Variants in KCNN2 observed in about 807,000 individuals in gnomAD.
The protein encoded by KCNN2 is small conductance calcium-activated potassium channel protein 2.
KCNN2 carries 24 observed loss-of-function variants against 55.5 expected under a neutral mutation model. That is an observed-to-expected ratio of 0.43 (90% confidence interval 0.31 to 0.61). The LOEUF is 0.61. Among genes scored for constraint, KCNN2 ranks in the 20% least tolerant of loss-of-function variants. KCNN2 has a pLI of 0.08. For missense variants in KCNN2, 754 were observed against 853.6 expected (o/e 0.88, Z 1.45); for synonymous variants, 431 against 336.1 (o/e 1.28, Z -3.09).
At chr5:114,264,769 GC>G (rs1161187401) in intron 2 of KCNN2, among the ~76,000 whole-genome samples, 2 of 152,066 alleles carry the variant, frequency 1.3e-5, no homozygotes, top group Non-Finnish European at 2.9e-5. Context: ...CCTCACGAAT[GC>G]CCCCCCAGGG....
At chr5:114,487,607 T>A (rs1166647466) in intron 6 of KCNN2, among the ~76,000 whole-genome samples, 2 of 152,190 alleles carry the variant, frequency 1.3e-5, no homozygotes, top group African/African-American at 2.4e-5. Context: ...GCTGTGTTCA[T>A]TTTAAATTTT....
chr5:114,205,262 C>G (rs1256529829), intron 1 of KCNN2, among the ~76,000 whole-genome samples: 3 of 152,152 alleles, frequency 2.0e-5, no homozygotes, highest in East Asian at 1.9e-4. Context: ...TGTGAATAGT[C>G]TGGTAAAATC....
At chr5:114,361,202 G>T (rs1157320183), upstream of KCNN2, 2 of 152,416 alleles carry the variant, frequency 1.3e-5, no homozygotes, top group East Asian at 3.9e-4. Flanking sequence ...GGGGGACCCG[G>T]GAAGCCCGGC....
At chr5:114,192,836 G>T (rs1461802073) in intron 1 of KCNN2, among the ~76,000 whole-genome samples, 1 of 152,132 alleles carries the variant, frequency 6.6e-6, no homozygotes, top group African/African-American at 2.4e-5. Context: ...CTAAGCTTCT[G>T]CTGTGGGCTG....
chr5:114,437,119 C>A (rs1190360446), intron 3 of KCNN2, among the ~76,000 whole-genome samples: 1 of 151,818 alleles, frequency 6.6e-6, no homozygotes, highest in Non-Finnish European at 1.5e-5. Context: ...AAGTACAAGT[C>A]TTTCATTCAA....
intron 1 of KCNN2, chr5:114,056,623 C>G: frequency 2.6e-6 from 1 of 391,544 alleles, no homozygotes; most frequent in Non-Finnish European, 4.5e-6. Flanking sequence ...CTCTTGCTTA[C>G]TTTTCTCCAG....
chr5:114,333,862 C>A (rs193019551), intron 2 of KCNN2, among the ~76,000 whole-genome samples: 3 of 152,270 alleles, frequency 2.0e-5, no homozygotes, highest in Admixed American at 1.3e-4. Context: ...TAGTTGTCTA[C>A]TCGTAGCTGT....
intron 1 of KCNN2, among the ~76,000 whole-genome samples, chr5:114,104,574 C>G (rs756966020): frequency 3.3e-5 from 5 of 151,860 alleles, no homozygotes; most frequent in Non-Finnish European, 7.4e-5. Flanking sequence ...TTTGCAATAC[C>G]CTGGTTCCTG....
At chr5:114,357,459 C>T (rs1250123309), upstream of KCNN2, among the ~76,000 whole-genome samples, 6 of 115,108 alleles carry the variant, frequency 5.2e-5, no homozygotes, top group African/African-American at 2.0e-4. Flanking sequence ...CTCCCCCCAC[C>T]CCACAACAGT....
rs555913106 is a variant in KCNN2, at chr5:114,209,861, C to T, written c.-270-11619C>T. Among the ~76,000 whole-genome samples, 3 of 152,282 alleles carry T rather than the reference C, an allele frequency of 2.0e-5. No individual in the cohort carries two copies. In the South Asian group the frequency reaches 6.2e-4, roughly 32 times the overall value. On this transcript the variant is annotated intron_variant, in intron 1 of 10. Transcript: ENST00000512097. The stretch of plus-strand genomic sequence containing the variant: ...ACTCATTCTCTAACTTAAATACATT[C>T]ATTCCTCATTATTCACAGATTCCTT...
intron 1 of KCNN2, among the ~76,000 whole-genome samples, chr5:114,074,329 T>TGTGTGTGTGTGTGTGC (rs1200712655): frequency 9.4e-5 from 13 of 138,742 alleles, no homozygotes; most frequent in African/African-American, 3.7e-4. Flanking sequence ...TGTGTGTGTG[T>TGTGTGTGTGTGTGTGC]GCGCGCGCGC....
At chr5:114,065,091 A>T (rs1360480781) in intron 1 of KCNN2, among the ~76,000 whole-genome samples, 1 of 152,204 alleles carries the variant, frequency 6.6e-6, no homozygotes, top group Non-Finnish European at 1.5e-5. Context: ...TCACACTACA[A>T]GTGAGTGGTG....
At chr5:114,168,360 T>A (rs1274144282) in intron 1 of KCNN2, among the ~76,000 whole-genome samples, 1 of 152,096 alleles carries the variant, frequency 6.6e-6, no homozygotes, top group Non-Finnish European at 1.5e-5. Flanking sequence ...AAAATAGAGC[T>A]ATTTTTGCCT....
intron 1 of KCNN2, among the ~76,000 whole-genome samples, chr5:114,166,097 A>C (rs960503841): frequency 6.6e-6 from 1 of 151,916 alleles, no homozygotes; most frequent in Non-Finnish European, 1.5e-5. Context: ...TCACCGTGTT[A>C]GTTAGGATGG....
chr5:114,202,960 T>G (rs1347034155), intron 1 of KCNN2, among the ~76,000 whole-genome samples: 1 of 152,164 alleles, frequency 6.6e-6, no homozygotes, highest in Non-Finnish European at 1.5e-5. Flanking sequence ...TTTACCTTTC[T>G]TATTTATTTT....
intron 7 of KCNN2, 101 bp from the exon 8 acceptor site, chr5:114,495,794 C>A: frequency 8.8e-7 from 1 of 1,142,382 alleles, no homozygotes; most frequent in Non-Finnish European, 1.3e-6. Context: ...CCCTGTTACA[C>A]TGAATGCCAC....
At chr5:114,197,437 T>A (rs1237836937) in intron 1 of KCNN2, among the ~76,000 whole-genome samples, 3 of 152,204 alleles carry the variant, frequency 2.0e-5, no homozygotes, top group Non-Finnish European at 4.4e-5. Context: ...AAGTCTCCAA[T>A]GATCATTGTT....
At chr5:114,262,709 A>G (rs1387137835) in intron 2 of KCNN2, among the ~76,000 whole-genome samples, 5 of 152,220 alleles carry the variant, frequency 3.3e-5, no homozygotes, top group Admixed American at 2.6e-4. Flanking sequence ...ACTATTGCCA[A>G]TGTTTTCATG....
chr5:114,326,822 A>T (rs537998245), intron 2 of KCNN2, among the ~76,000 whole-genome samples: 2 of 152,198 alleles, frequency 1.3e-5, no homozygotes, highest in Non-Finnish European at 2.9e-5. Flanking sequence ...ATAAGGGAAT[A>T]TAGCTATAGC....
Sources: gnomAD v4.1 joint callset for allele counts (sites outside exome capture counted in the v4.1 genomes callset) on GRCh38, gnomAD v4.1.1 for gene constraint, MANE v1.5 for transcripts, NCBI Gene and HGNC (gene_info 2026-07-23, HGNC 2026-07-21) for gene names.